The following KAZN variants were observed in gnomAD, a reference collection of about 807,000 sequenced individuals.
KAZN encodes kazrin, periplakin interacting protein.
KAZN carries 40 observed loss-of-function variants against 87.4 expected under a neutral mutation model. The observed-to-expected ratio is 0.46, with a 90% CI of 0.36 to 0.60. The LOEUF (loss-of-function observed/expected upper bound fraction) is 0.60, where lower values mean the gene tolerates loss of function less well. KAZN is among the 20% of genes least tolerant of loss of function. The probability of loss-of-function intolerance (pLI) is 0.00; values close to 1 mark genes in which losing one functional copy is unlikely to be tolerated. For missense variants in KAZN, 898 were observed against 1,073.9 expected (o/e 0.84, Z 2.29); for synonymous variants, 466 against 458.3 (o/e 1.02, Z -0.22).
chr1:14,136,243 C>A (rs1216942054), intron 1 of KAZN, among the ~76,000 whole-genome samples: 1 of 152,084 alleles, frequency 6.6e-6, no homozygotes, highest in African/African-American at 2.4e-5. Context: ...GCCCCGGCCT[C>A]AGTAGGGCAC....
At chr1:13,951,676 C>T (rs1375512952) in intron 1 of KAZN, among the ~76,000 whole-genome samples, 1 of 149,696 alleles carries the variant, frequency 6.7e-6, no homozygotes, top group Non-Finnish European at 1.5e-5. Context: ...ATAATATCTG[C>T]TCTTCTGGGT....
intron 2 of KAZN, among the ~76,000 whole-genome samples, chr1:14,528,822 C>T (rs1265465916): frequency 2.6e-5 from 4 of 151,752 alleles, no homozygotes; most frequent in African/African-American, 7.3e-5. Flanking sequence ...GGCTGCACAT[C>T]CGCAATTTCT....
chr1:14,883,355 A>AAAGGAAAG (rs1449958306), intron 1 of KAZN, among the ~76,000 whole-genome samples: 706 of 20,610 alleles, frequency 0.034, 133 homozygotes, highest in South Asian at 0.082. Flanking sequence ...AGAAAGAAAG[A>AAAGGAAAG]AAAGAAAGAA....
At chr1:14,392,021 A>T (rs1211854799) in intron 2 of KAZN, among the ~76,000 whole-genome samples, 2 of 152,178 alleles carry the variant, frequency 1.3e-5, no homozygotes, top group Non-Finnish European at 2.9e-5. Context: ...GGCATCCAGG[A>T]ATATGACAAG....
chr1:14,513,193 A>G (rs1003630074), intron 2 of KAZN, among the ~76,000 whole-genome samples: 1 of 152,118 alleles, frequency 6.6e-6, no homozygotes, highest in Non-Finnish European at 1.5e-5. Context: ...GGAAAAGGAT[A>G]TTAGGGCAAA....
intron 4 of KAZN, among the ~76,000 whole-genome samples, chr1:15,047,855 A>T (rs1265283832): frequency 6.6e-6 from 1 of 151,928 alleles, no homozygotes; most frequent in African/African-American, 2.4e-5. Flanking sequence ...CAGCTGGGGG[A>T]CGAACATGTC....
At chr1:13,981,736 G>C (rs1036308626) in intron 1 of KAZN, among the ~76,000 whole-genome samples, 1 of 152,204 alleles carries the variant, frequency 6.6e-6, no homozygotes, top group Admixed American at 6.5e-5. Flanking sequence ...ATGAAAGAGA[G>C]GTCAGGGAAG....
chr1:14,665,932 C>CAAAAAAAAA (rs60081619), intron 1 of KAZN, among the ~76,000 whole-genome samples: 29 of 107,990 alleles, frequency 2.7e-4, no homozygotes, highest in East Asian at 5.2e-4. Flanking sequence ...AAGCTTTGCT[C>CAAAAAAAAA]AAAAAAAAAA....
At chr1:14,290,897 T>A (rs1241790795) in intron 2 of KAZN, among the ~76,000 whole-genome samples, 1 of 152,240 alleles carries the variant, frequency 6.6e-6, no homozygotes, top group African/African-American at 2.4e-5. Flanking sequence ...ATTGGTGCTA[T>A]TCCTTTCTGT....
At chr1:15,101,806 T>C in intron 11 of KAZN, 32 bp downstream of exon 11, 1 of 1,426,064 alleles carries the variant, frequency 7.0e-7, no homozygotes, top group Non-Finnish European at 9.7e-7. Flanking sequence ...GGGGGCACCT[T>C]CCACTGCCCA....
chr1:14,886,599 C>G (rs1654094808), intron 1 of KAZN, among the ~76,000 whole-genome samples: 1 of 152,146 alleles, frequency 6.6e-6, no homozygotes, highest in Admixed American at 6.5e-5. Context: ...TGAGACCACT[C>G]TGACCAACAT....
rs12028245 is a variant in KAZN, at chr1:15,007,984, C to A, written c.419-26765C>A. Among the ~76,000 whole-genome samples, 52 of 152,312 alleles carry A rather than the reference C, an allele frequency of 3.4e-4. No homozygotes were observed. The East Asian group carries it at 9.7e-3, about 28-fold the overall frequency. On this transcript the variant is annotated intron_variant, in intron 2 of 14. Coordinates refer to ENST00000376030, the MANE Select transcript of KAZN (RefSeq NM_201628.3). ...CCCTGCGAGTGGGACTGGTCAGCTG[C>A]GGAGTCTCTTGCCAAGTTCTGGAGC...
rs1644977959 is a variant in KAZN, at chr1:14,769,919, C to T, written c.226+170696C>T. The stretch of plus-strand genomic sequence containing the variant: ...CTAAGTGTAGGAGTGTAACTCAGCT[C>T]AGAGATCAGGGATGGCCCCTCTGAG... On this transcript the variant is annotated intron_variant, in intron 1 of 14. Transcript: ENST00000376030. This position sits in a 1 kb window ranked among gnomAD's most constrained non-coding sequence, Gnocchi z 4.1. Among the ~76,000 whole-genome samples the T allele has an allele frequency of 6.6e-6, 1 of 152,146 alleles. No individual in the cohort carries two copies. Among genetic ancestry groups the T allele is most frequent in the South Asian group, 2.1e-4 (1 of 4,828 alleles).
rs6656874 is a variant in KAZN at position 14,723,940 on chromosome 1, C to T, written c.226+124717C>T. Among the ~76,000 whole-genome samples, 584 of 152,276 alleles carry T rather than the reference C, an allele frequency of 3.8e-3. 8 individuals are homozygous for T. Among genetic ancestry groups the T allele is most frequent in the African/African-American group, 0.013 (553 of 41,546 alleles). ...CATGAAGTTTCTGTCCACACATGAGCGTGGACAGATGCCTGCAATGACGTC... is the reference window on the plus strand; with the variant it reads ...CATGAAGTTTCTGTCCACACATGAGTGTGGACAGATGCCTGCAATGACGTC... On this transcript the variant is annotated intron_variant, in intron 1 of 14. Coordinates refer to ENST00000376030, the MANE Select transcript of KAZN (RefSeq NM_201628.3).
At chr1:14,254,937 A>G (rs988518495) in intron 2 of KAZN, among the ~76,000 whole-genome samples, 4 of 151,926 alleles carry the variant, frequency 2.6e-5, no homozygotes, top group East Asian at 3.9e-4. Flanking sequence ...CCTGACCAAC[A>G]TGGTGAAACC....
intron 2 of KAZN, among the ~76,000 whole-genome samples, chr1:14,419,922 G>C (rs188274578): frequency 7.9e-4 from 121 of 152,272 alleles, no homozygotes; most frequent in African/African-American, 2.6e-3. Flanking sequence ...TTATTGCAAA[G>C]AGCGAAAGAA....
At chr1:14,360,210 C>T (rs188623264) in intron 2 of KAZN, among the ~76,000 whole-genome samples, 24 of 152,194 alleles carry the variant, frequency 1.6e-4, no homozygotes, top group Non-Finnish European at 2.4e-4. Context: ...CTCTGATATC[C>T]TTTCTTCCAC....
At chr1:14,434,110 T>C (rs1486653867) in intron 2 of KAZN, among the ~76,000 whole-genome samples, 1 of 152,180 alleles carries the variant, frequency 6.6e-6, no homozygotes, top group Non-Finnish European at 1.5e-5. Flanking sequence ...AATAGATGCA[T>C]CCATTGGCTC....
At chr1:14,908,998 A>G (rs1572799068) in intron 1 of KAZN, among the ~76,000 whole-genome samples, 2 of 152,130 alleles carry the variant, frequency 1.3e-5, no homozygotes, top group Non-Finnish European at 2.9e-5. Flanking sequence ...AAAAAAGAGC[A>G]TGTGGACTGG....
Sources: allele counts gnomAD v4.1 joint callset (sites outside exome capture counted in the v4.1 genomes callset), GRCh38; gene constraint gnomAD v4.1.1; non-coding constraint Gnocchi (gnomAD v3.1); transcripts MANE v1.5; gene names NCBI Gene and HGNC (gene_info 2026-07-23, HGNC 2026-07-21).